The following NIPAL3 variants were observed in gnomAD, a reference collection of about 807,000 sequenced individuals.
The protein encoded by NIPAL3 is NIPA like domain containing 3, also known as NIPA-like protein 3.
Under a neutral mutation model 47.2 loss-of-function variants are expected in NIPAL3, and 41 were observed. The ratio of observed to expected loss-of-function variants is 0.87; its 90% confidence interval spans 0.68 to 1.13. The LOEUF (loss-of-function observed/expected upper bound fraction) is 1.13, where lower values mean the gene tolerates loss of function less well. Among genes scored for constraint, NIPAL3 ranks in the 50% most tolerant of loss-of-function variants. The pLI, the probability that NIPAL3 is intolerant of heterozygous loss-of-function variation, is 0.00. For missense variants in NIPAL3, 449 were observed against 530.1 expected, an observed-to-expected ratio of 0.85 and a Z score of 1.50; for synonymous variants, 194 against 209.6, an observed-to-expected ratio of 0.93 and a Z score of 0.64.
At chr1:24,421,704 G>T (rs775142276) in intron 2 of NIPAL3, 1 of 152,214 alleles carries the variant, frequency 6.6e-6, no homozygotes, top group Non-Finnish European at 1.5e-5. Flanking sequence ...CCTCCTGGTG[G>T]TGGTGAGGAT....
At chr1:24,424,656 G>A (rs1396562384) in intron 2 of NIPAL3, among the ~76,000 whole-genome samples, 1 of 152,170 alleles carries the variant, frequency 6.6e-6, no homozygotes, top group East Asian at 1.9e-4. Flanking sequence ...GAAATCCAGT[G>A]GCAGGAAAGG....
At chr1:24,436,788 C>T (rs371030649) in intron 2 of NIPAL3, among the ~76,000 whole-genome samples, 14 of 152,028 alleles carry the variant, frequency 9.2e-5, no homozygotes, top group Admixed American at 2.0e-4. Context: ...CGTGAGCCAC[C>T]GCGCCCAGCC....
At chr1:24,461,988 A>G (rs1232209062) in intron 10 of NIPAL3, among the ~76,000 whole-genome samples, 2 of 152,186 alleles carry the variant, frequency 1.3e-5, no homozygotes, top group African/African-American at 4.8e-5. Flanking sequence ...CATACCTGAG[A>G]CTGGGTAATT....
chr1:24,460,961 CAAAAA>C (rs1325347046), intron 10 of NIPAL3, among the ~76,000 whole-genome samples: 1 of 152,090 alleles, frequency 6.6e-6, no homozygotes, highest in Non-Finnish European at 1.5e-5. Context: ...ACAACAGCAA[CAAAAA>C]ATCCAAACAA....
In NIPAL3 at chr1:24,451,889, C is replaced by T. The variant is rs960330379; in HGVS notation, c.541-1519C>T. Among the ~76,000 whole-genome samples, 2 of 152,148 alleles carry T rather than the reference C, an allele frequency of 1.3e-5. No homozygotes were observed. Among genetic ancestry groups the T allele is most frequent in the Admixed American group, 6.5e-5 (1 of 15,268 alleles). On this transcript the variant is annotated intron_variant, in intron 6 of 11. Coordinates refer to ENST00000374399, the MANE Select transcript of NIPAL3 (RefSeq NM_020448.5). The surrounding 1 kb of genome is among the most constrained non-coding windows in gnomAD (Gnocchi z 4.5). ...GAAGATTGTTTATGGTAACTAAAAA[C>T]AGCCCAGTACAAAATCGTGCATTGA...
chr1:24,456,462 G>A (rs1019032568), intron 8 of NIPAL3, among the ~76,000 whole-genome samples, 189 bp downstream of exon 8: 7 of 152,110 alleles, frequency 4.6e-5, no homozygotes, highest in Admixed American at 2.0e-4. Flanking sequence ...CTCAAAAGAC[G>A]AAGCCAGGCC....
intron 1 of NIPAL3, among the ~76,000 whole-genome samples, chr1:24,417,519 A>G (rs1644115806): frequency 1.3e-5 from 2 of 152,250 alleles, no homozygotes; most frequent in African/African-American, 4.8e-5. Context: ...GCAAACACAT[A>G]TTCATAGGGT....
intron 8 of NIPAL3, 25 bp from the exon 9 acceptor site, chr1:24,458,863 T>TGA (rs772705002): frequency 1.3e-6 from 2 of 1,599,108 alleles, no homozygotes; most frequent in African/African-American, 2.7e-5. Flanking sequence ...CACAGCCCAC[T>TGA]GACTGGAGTG....
chr1:24,445,079 A>G (rs1457731393), intron 4 of NIPAL3, 106 bp from the exon 5 acceptor site: 17 of 699,810 alleles, frequency 2.4e-5, no homozygotes, highest in Non-Finnish European at 4.3e-5. Context: ...CAGGTTAGGA[A>G]GTACCAAGCT....
intron 4 of NIPAL3, among the ~76,000 whole-genome samples, 175 bp downstream of exon 4, chr1:24,442,401 C>G (rs1402439650): frequency 6.6e-6 from 1 of 152,208 alleles, no homozygotes; most frequent in East Asian, 1.9e-4. Context: ...GATATTAATT[C>G]TGCTAATCCT....
At chr1:24,419,702 C>T (rs1570162587) in intron 2 of NIPAL3, 62 bp downstream of exon 2, 1 of 1,432,710 alleles carries the variant, frequency 7.0e-7, no homozygotes, top group South Asian at 1.2e-5. Context: ...ACACAGTGCT[C>T]TGCATTGGCT....
chr1:24,456,077 C>G, intron 7 of NIPAL3, 61 bp from the exon 8 acceptor site: 1 of 1,601,794 alleles, frequency 6.2e-7, no homozygotes, highest in Non-Finnish European at 8.5e-7. Context: ...GACTGGCTTT[C>G]CGGACCTAAC....
At chr1:24,445,975 T>C (rs6689382) in intron 5 of NIPAL3, among the ~76,000 whole-genome samples, 106,458 of 151,992 alleles carry the variant, frequency 0.7, 38,185 homozygotes, top group African/African-American at 0.88. Context: ...AAGAAGCGTT[T>C]CCCACAAAAC....
At chr1:24,436,868 T>TTGCG in intron 2 of NIPAL3, among the ~76,000 whole-genome samples, 4 of 152,082 alleles carry the variant, frequency 2.6e-5, no homozygotes. Context: ...GAAAAGTACA[T>TTGCG]CTACTCCATC....
chr1:24,419,396 A>G lies in NIPAL3; in HGVS notation c.-152A>G. On this transcript the variant is annotated 5_prime_UTR_variant, in exon 2 of 12. Coordinates refer to ENST00000374399, the MANE Select transcript of NIPAL3 (RefSeq NM_020448.5). ...TGAGGAGAAGGCTGTAAATCTGCCA[A>G]AACAGCCTTGAAGTATTCTTTTGTC... 11 of 1,341,938 alleles carry G rather than the reference A, an allele frequency of 8.2e-6. No individual in the cohort carries two copies. Among genetic ancestry groups the G allele is most frequent in the Non-Finnish European group, 1.0e-5 (11 of 1,048,274 alleles). The allele number at this position is 1,341,938 out of a possible 1,614,324, so 83.1% of individuals were successfully genotyped here.
intron 11 of NIPAL3, chr1:24,465,326 A>T (rs1340367083): frequency 6.6e-6 from 1 of 152,080 alleles, no homozygotes; most frequent in African/African-American, 2.4e-5. Context: ...AATTCCAGAT[A>T]GGTGAGGTGT....
intron 2 of NIPAL3, among the ~76,000 whole-genome samples, chr1:24,430,704 G>T (rs1222900721): frequency 6.6e-6 from 1 of 152,122 alleles, no homozygotes; most frequent in Non-Finnish European, 1.5e-5. Flanking sequence ...AACAAGATTT[G>T]TTTTGCTTTC....
intron 2 of NIPAL3, chr1:24,421,808 C>A (rs1644345973): frequency 6.6e-6 from 1 of 152,238 alleles, no homozygotes; most frequent in African/African-American, 2.4e-5. Context: ...TTTATCCCCA[C>A]TTTAGAGACA....
At chr1:24,461,825 T>G (rs1049543207) in intron 10 of NIPAL3, among the ~76,000 whole-genome samples, 6 of 151,158 alleles carry the variant, frequency 4.0e-5, no homozygotes, top group African/African-American at 1.5e-4. Flanking sequence ...GCTGAGATCA[T>G]GCCATTGCAT....
Sources: allele counts gnomAD v4.1 joint callset (sites outside exome capture counted in the v4.1 genomes callset), GRCh38; gene constraint gnomAD v4.1.1; non-coding constraint Gnocchi (gnomAD v3.1); transcripts MANE v1.5; gene names NCBI Gene and HGNC (gene_info 2026-07-23, HGNC 2026-07-21).